Variants in CNTLN observed in about 807,000 individuals in gnomAD.
CNTLN encodes the protein centlein, centrosomal protein.
CNTLN carries 212 observed loss-of-function variants against 180.0 expected under a neutral mutation model. That is an observed-to-expected ratio of 1.18 (90% CI 1.05 to 1.32). CNTLN has a LOEUF of 1.32. CNTLN is among the 40% of genes most tolerant of loss of function. CNTLN has a pLI of 0.00. For missense variants in CNTLN, 2,095 were observed against 1,610.9 expected, an observed-to-expected ratio of 1.30 and a Z score of -5.14; for synonymous variants, 722 against 563.1, an observed-to-expected ratio of 1.28 and a Z score of -3.99.
chr9:17,254,146 A>G (rs1055116705), intron 5 of CNTLN, among the ~76,000 whole-genome samples: 38 of 151,688 alleles, frequency 2.5e-4, no homozygotes, highest in African/African-American at 9.2e-4. Context: ...TATTTGTATT[A>G]TGATGTTGAC....
chr9:17,525,974 C>T, the CNTLN span, among the ~76,000 whole-genome samples: 2 of 151,904 alleles, frequency 1.3e-5, no homozygotes, highest in Admixed American at 1.3e-4. Context: ...CTTGCTCTGT[C>T]GCCCAGGCTG....
At chr9:17,202,646 GTTTTTTTTTTT>G (rs57960408) in intron 2 of CNTLN, among the ~76,000 whole-genome samples, 1 of 71,478 alleles carries the variant, frequency 1.4e-5, no homozygotes, top group Admixed American at 1.6e-4. Context: ...TGCAACCTCT[GTTTTTTTTTTT>G]TTTTTTTTTT....
chr9:17,442,308 A>G (rs1028454192), intron 18 of CNTLN, among the ~76,000 whole-genome samples: 2 of 152,214 alleles, frequency 1.3e-5, no homozygotes, highest in African/African-American at 4.8e-5. Context: ...TTGAAATAAT[A>G]CAAGGTATCT....
At chr9:17,481,328 G>A (rs1195982681) in intron 23 of CNTLN, among the ~76,000 whole-genome samples, 1 of 152,116 alleles carries the variant, frequency 6.6e-6, no homozygotes, top group Admixed American at 6.5e-5. Context: ...AACAACTATG[G>A]GGCACAGCTG....
At chr9:17,414,390 T>C (rs1005083479) in intron 16 of CNTLN, among the ~76,000 whole-genome samples, 1 of 152,200 alleles carries the variant, frequency 6.6e-6, no homozygotes, top group Non-Finnish European at 1.5e-5. Flanking sequence ...TAATTTAATT[T>C]TAGCTACTGT....
At chr9:17,171,038 G>A (rs115773989) in intron 2 of CNTLN, among the ~76,000 whole-genome samples, 2,894 of 152,252 alleles carry the variant, frequency 0.019, 58 homozygotes, top group African/African-American at 0.05. Context: ...AGTACACTCT[G>A]TGACGTTTGC....
chr9:17,292,864 ATGGAGAAGAGGCACT>A (rs1463713805), intron 6 of CNTLN, among the ~76,000 whole-genome samples: 12 of 152,112 alleles, frequency 7.9e-5, no homozygotes, highest in Non-Finnish European at 1.8e-4. Flanking sequence ...TTATGATCAT[ATGGAGAAGAGGCACT>A]TTGGCTTTTT....
intron 13 of CNTLN, among the ~76,000 whole-genome samples, chr9:17,375,319 A>T (rs1439367280): frequency 6.6e-6 from 1 of 152,214 alleles, no homozygotes; most frequent in African/African-American, 2.4e-5. Flanking sequence ...TACAAAAAAA[A>T]TAGTTGGAAA....
At chr9:17,482,547 A>G (rs1832703216) in intron 23 of CNTLN, among the ~76,000 whole-genome samples, 1 of 152,184 alleles carries the variant, frequency 6.6e-6, no homozygotes, top group South Asian at 2.1e-4. Context: ...CATGATTGAA[A>G]TAAAATTACC....
intron 5 of CNTLN, among the ~76,000 whole-genome samples, chr9:17,264,011 A>G (rs75487337): frequency 4.8e-4 from 70 of 145,694 alleles, no homozygotes; most frequent in Non-Finnish European, 7.9e-4. Context: ...CACTCTGATG[A>G]TAGTTTCTTT....
At chr9:17,513,793 A>G in the CNTLN span, among the ~76,000 whole-genome samples, 1 of 152,184 alleles carries the variant, frequency 6.6e-6, no homozygotes, top group South Asian at 2.1e-4. Context: ...TTTAAAAGAA[A>G]AACAACTGAA....
intron 8 of CNTLN, among the ~76,000 whole-genome samples, chr9:17,326,377 G>A (rs1261221677): frequency 6.6e-6 from 1 of 151,958 alleles, no homozygotes; most frequent in African/African-American, 2.4e-5. Context: ...AGGATTTTAA[G>A]GGTAATAGAA....
At chr9:17,397,709 G>A (rs994133184) in intron 15 of CNTLN, among the ~76,000 whole-genome samples, 6 of 152,304 alleles carry the variant, frequency 3.9e-5, no homozygotes, top group Admixed American at 3.9e-4. Context: ...ATTCAAGATG[G>A]AGTTGCTCTG....
At chr9:17,388,833 G>A (rs951548717) in intron 14 of CNTLN, among the ~76,000 whole-genome samples, 2 of 151,342 alleles carry the variant, frequency 1.3e-5, no homozygotes, top group Non-Finnish European at 3.0e-5. Flanking sequence ...GTAAAATACT[G>A]TTTTAAAATA....
intron 18 of CNTLN, among the ~76,000 whole-genome samples, chr9:17,438,582 A>G (rs1164263023): frequency 2.0e-5 from 3 of 152,168 alleles, no homozygotes; most frequent in Non-Finnish European, 4.4e-5. Flanking sequence ...GCATACTAGA[A>G]CTTGCAAAAA....
intron 6 of CNTLN, among the ~76,000 whole-genome samples, chr9:17,294,131 C>A (rs1463844379): frequency 2.0e-5 from 3 of 152,042 alleles, no homozygotes; most frequent in Non-Finnish European, 4.4e-5. Context: ...AAGCTGCAGA[C>A]CTTCGAGTGT....
At chr9:17,139,819 C>G (rs1051885362) in intron 1 of CNTLN, among the ~76,000 whole-genome samples, 1 of 152,082 alleles carries the variant, frequency 6.6e-6, no homozygotes, top group Admixed American at 6.6e-5. Flanking sequence ...ATCCACCCAC[C>G]TCAGCCTCCA....
rs1173404276 is a variant in CNTLN at position 17,394,536 on chromosome 9, C to T, written c.2082C>T (p.Val694=). The T allele has an allele frequency of 6.5e-7, 1 of 1,547,274 alleles. No homozygotes were observed. The highest frequency in any genetic ancestry group is 8.7e-7 in the Non-Finnish European group (1 of 1,143,304). Residue 694 remains valine, a splice_region_variant and synonymous_variant, in exon 15 of 26, where the codon GTC becomes GTT. Coordinates refer to ENST00000380647, the MANE Select transcript of CNTLN (RefSeq NM_017738.4). The stretch of plus-strand genomic sequence containing the variant: ...AAAGAATAAACTCTTTCCTTTAGGT[C>T]ACTGAGTTGGAAAATCGGCTGAAAT... ...KEMLEQTLQK[V]TELENRLKSF... is the part of the protein sequence containing the mutation.
At chr9:17,196,269 C>T (rs568456483) in intron 2 of CNTLN, among the ~76,000 whole-genome samples, 19 of 152,238 alleles carry the variant, frequency 1.2e-4, no homozygotes, top group African/African-American at 4.3e-4. Flanking sequence ...GGTGATCCAC[C>T]TGCCTCGGCC....
Sources: gnomAD v4.1 joint callset for allele counts (sites outside exome capture counted in the v4.1 genomes callset) on GRCh38, gnomAD v4.1.1 for gene constraint, MANE v1.5 for transcripts, NCBI Gene and HGNC (gene_info 2026-07-23, HGNC 2026-07-21) for gene names.